The following DLK1 variants were observed in gnomAD, a reference collection of about 807,000 sequenced individuals.
DLK1 encodes protein delta homolog 1.
A neutral mutation model predicts 35.2 loss-of-function variants in DLK1; 9 were observed. That is an observed-to-expected ratio of 0.26 (90% CI 0.15 to 0.45). The LOEUF (loss-of-function observed/expected upper bound fraction) is 0.45. Among genes scored for constraint, DLK1 ranks in the 20% least tolerant of loss-of-function variants. The pLI, the probability that DLK1 is intolerant of heterozygous loss-of-function variation, is 1.00. For synonymous variants in DLK1, 231 were observed against 228.4 expected, an observed-to-expected ratio of 1.01 and a Z score of -0.10; for missense variants, 522 against 528.5, an observed-to-expected ratio of 0.99 and a Z score of 0.12.
In DLK1 at chr14:100,734,088, C is replaced by T; in HGVS notation, c.405-61C>T. The T allele has an allele frequency of 1.3e-6, 2 of 1,525,638 alleles. No individual in the cohort carries two copies. Among genetic ancestry groups the T allele is most frequent in the South Asian group, 1.3e-5 (1 of 77,552 alleles). 94.5% of individuals were successfully genotyped at this position (1,525,638 alleles called of 1,614,324 possible). A position where few individuals can be genotyped will look rare whatever the true frequency, so the allele number is the denominator to read the frequency against. On this transcript the variant is annotated intron_variant, in intron 4 of 4. Transcript: ENST00000341267. The surrounding 1 kb of genome is among the most constrained non-coding windows in gnomAD (Gnocchi z 7.4). The stretch of plus-strand genomic sequence containing the variant: ...GGACCTTCTGCCCTGAGCCCCGTGC[C>T]CTGCAGCGCTGTTGTAGCCTAGCCC...
At chr14:100,727,198 G>C (rs1457286035) in intron 1 of DLK1, 63 bp downstream of exon 1, 1 of 1,465,104 alleles carries the variant, frequency 6.8e-7, no homozygotes, top group African/African-American at 1.4e-5. Context: ...CCCGCCGGCC[G>C]CCCGGTGCCC....
At position 100,735,327 on chromosome 14, in the gene DLK1, G is replaced by C. The variant is rs749216989; in HGVS notation, c.*431G>C. ...CAAAGAGCTACGATTGCTTTCGTTC[G>C]TTAATTCTCACACACCACATCCGAC... is the stretch of plus-strand genomic sequence containing the variant. On this transcript the variant is annotated 3_prime_UTR_variant, in exon 5 of 5. Coordinates refer to ENST00000341267, the MANE Select transcript of DLK1 (RefSeq NM_003836.7). 1 of 157,186 alleles carries C rather than the reference G, an allele frequency of 6.4e-6. No homozygotes were observed. Among genetic ancestry groups the C allele is most frequent in the Non-Finnish European group, 1.4e-5 (1 of 71,810 alleles). 9.7% of individuals were successfully genotyped at this position (157,186 alleles called of 1,614,324 possible).
At position 100,735,255 on chromosome 14, in the gene DLK1, G is replaced by T. The variant is rs934418965; in HGVS notation, c.*359G>T. The T allele has an allele frequency of 3.7e-4, 73 of 199,420 alleles. No individual in the cohort carries two copies. Among genetic ancestry groups the T allele is most frequent in the African/African-American group, 1.6e-3 (67 of 43,014 alleles). The allele number at this position is 199,420 out of a possible 1,614,324, so 12.4% of individuals were successfully genotyped here. ...CCTACCCTGGGGGTCTCGGCCACAT[G>T]GTCCTCGTGAAACCGTTACGAGTGC... On this transcript the variant is annotated 3_prime_UTR_variant, in exon 5 of 5. Transcript: ENST00000341267.
At chr14:100,729,199 TAA>T (rs1362123655) in intron 3 of DLK1, 133 bp downstream of exon 3, 2 of 1,469,144 alleles carry the variant, frequency 1.4e-6, no homozygotes, top group Non-Finnish European at 9.3e-7. Context: ...CCCTGTATTC[TAA>T]AGATCTGTTT....
intron 3 of DLK1, 96 bp downstream of exon 3, chr14:100,729,162 C>T (rs1193199716): frequency 6.3e-7 from 1 of 1,582,746 alleles, no homozygotes; most frequent in East Asian, 2.2e-5. Context: ...TGGTGTTCCT[C>T]ACTTCCTCAT....
intron 1 of DLK1, among the ~76,000 whole-genome samples, chr14:100,727,843 A>G (rs2036454850): frequency 6.6e-6 from 1 of 152,014 alleles, no homozygotes; most frequent in South Asian, 2.1e-4. Context: ...TCGTTTTTTT[A>G]ATGCGAAGAG....
In DLK1 at chr14:100,734,603, G is replaced by T; in HGVS notation, c.859G>T (p.Val287Leu). ...VQQPEHRILK[V>L]SMKELNKKTP... ...GCAGCCGGAGCACCGCATCCTGAAG[G>T]TGTCCATGAAAGAGCTCAACAAGAA... is the stretch of plus-strand genomic sequence containing the variant. Residue 287 changes from valine to leucine, a missense_variant, in exon 5 of 5, where the codon GTG (valine) becomes TTG (leucine). Val to Leu is a conservative substitution (Grantham distance 32). Transcript: ENST00000341267. This position sits in a 1 kb window ranked among gnomAD's most constrained non-coding sequence, Gnocchi z 7.4. 1 of 1,613,914 alleles carries T rather than the reference G, an allele frequency of 6.2e-7. No homozygotes were observed. Among genetic ancestry groups the T allele is most frequent in the Non-Finnish European group, 8.5e-7 (1 of 1,180,034 alleles).
chr14:100,728,607 T>G (rs10151914), intron 2 of DLK1, 148 bp downstream of exon 2: 317,663 of 331,120 alleles, frequency 0.96, 152,149 homozygotes, highest in Middle Eastern at 0.99. Flanking sequence ...TGGGGCGAGC[T>G]GGGGAGATGG....
In DLK1 at chr14:100,728,615, TG is replaced by T. The variant is rs200239189; in HGVS notation, c.131+164del. 40 of 176,354 alleles carry T rather than the reference TG, an allele frequency of 2.3e-4. 1 individual carries two copies. Among genetic ancestry groups the T allele is most frequent in the African/African-American group, 5.7e-4 (12 of 21,006 alleles). The allele number at this position is 176,354 out of a possible 1,614,324, so 10.9% of individuals were successfully genotyped here. A position where few individuals can be genotyped will look rare whatever the true frequency, so the allele number is the denominator to read the frequency against. On this transcript the variant is annotated intron_variant, in intron 2 of 4. Coordinates refer to ENST00000341267, the MANE Select transcript of DLK1 (RefSeq NM_003836.7). ...AAACTGGTGGGGCGAGCTGGGGAGA[TG>T]GGGGGGGCGGGGGGGGGGCAGCCAC... is the stretch of plus-strand genomic sequence containing the variant.
intron 3 of DLK1, 200 bp downstream of exon 3, chr14:100,729,266 T>C: frequency 1.1e-6 from 1 of 923,410 alleles, no homozygotes; most frequent in South Asian, 1.4e-5. Context: ...TTTATTTTGC[T>C]CTTCTCTGCG....
chr14:100,731,511 T>C (rs1459060446), intron 3 of DLK1, among the ~76,000 whole-genome samples: 1 of 152,132 alleles, frequency 6.6e-6, no homozygotes, highest in South Asian at 2.1e-4. Flanking sequence ...GGTTTCTTGA[T>C]TCCTGACGGA....
chr14:100,731,922 A>G (rs2046076739), intron 3 of DLK1, 120 bp from the exon 4 acceptor site: 3 of 1,312,778 alleles, frequency 2.3e-6, no homozygotes, highest in Non-Finnish European at 3.0e-6. Context: ...GGGCTCCCTA[A>G]ACCCTCTTAC....
chr14:100,734,420 C>CA lies in DLK1; in HGVS notation c.677dup (p.His226GlnfsTer209). On this transcript the variant is annotated frameshift_variant, in exon 5 of 5. Transcript: ENST00000341267. LOFTEE classifies it high-confidence loss of function. The surrounding 1 kb of genome is among the most constrained non-coding windows in gnomAD (Gnocchi z 7.4). Reference sequence around the variant, plus strand: ...CCAGAACGGGGGCACCTGCCTGCAGCACACCCAGGTGAGCTACGAGTGTCT... The same window carrying CA: ...CCAGAACGGGGGCACCTGCCTGCAGCAACACCCAGGTGAGCTACGAGTGTCT... 1 of 1,611,890 alleles carries CA rather than the reference C, an allele frequency of 6.2e-7. No homozygotes were observed.
chr14:100,734,971 G>T lies in DLK1; in HGVS notation c.*75G>T, dbSNP rs181106921. Reference sequence around the variant, plus strand: ...CTATACGCGGTCTGTCCTAATCTTTGTGGTGTTCGCTATCTCTTGTGTCAA... The same window carrying T: ...CTATACGCGGTCTGTCCTAATCTTTTTGGTGTTCGCTATCTCTTGTGTCAA... On this transcript the variant is annotated 3_prime_UTR_variant, in exon 5 of 5. Coordinates refer to ENST00000341267, the MANE Select transcript of DLK1 (RefSeq NM_003836.7). The surrounding 1 kb of genome is among the most constrained non-coding windows in gnomAD (Gnocchi z 7.4). 1.5e-4 allele frequency: 226 copies of T among 1,489,366 alleles called. 1 individual carries two copies. The Admixed American group carries it at 1.6e-3, about 10-fold the overall frequency. The allele number at this position is 1,489,366 out of a possible 1,614,324, so 92.3% of individuals were successfully genotyped here.
chr14:100,730,895 C>T (rs190599100), intron 3 of DLK1, among the ~76,000 whole-genome samples: 2 of 152,240 alleles, frequency 1.3e-5, no homozygotes, highest in Admixed American at 6.5e-5. Context: ...CTCCCCTCCA[C>T]GAGGGTGTGG....
chr14:100,728,580 C>T lies in DLK1; in HGVS notation c.131+121C>T, dbSNP rs958544813. The T allele has an allele frequency of 1.5e-5, 13 of 850,042 alleles. No individual in the cohort carries two copies. In the Admixed American group the frequency reaches 2.5e-4, roughly 16 times the overall value. 52.7% of individuals were successfully genotyped at this position (850,042 alleles called of 1,614,324 possible). Reference sequence around the variant, plus strand: ...TACGCTGCAGCAAACAGCTTCCGGGCCCCTGCAGAAAACTGGTGGGGCGAG... The same window carrying T: ...TACGCTGCAGCAAACAGCTTCCGGGTCCCTGCAGAAAACTGGTGGGGCGAG... On this transcript the variant is annotated intron_variant, in intron 2 of 4. Transcript: ENST00000341267.
intron 1 of DLK1, among the ~76,000 whole-genome samples, chr14:100,727,344 T>A (rs1309625177): frequency 6.6e-6 from 1 of 152,120 alleles, no homozygotes; most frequent in Non-Finnish European, 1.5e-5. Flanking sequence ...AGGGGATGTG[T>A]GAGACCCCCA....
chr14:100,733,154 G>A (rs2036528830), intron 4 of DLK1, among the ~76,000 whole-genome samples: 2 of 152,226 alleles, frequency 1.3e-5, no homozygotes, highest in South Asian at 4.1e-4. Context: ...TTAGCAGGAA[G>A]GAGAAAAACA....
Position 100,734,806 on chromosome 14 carries a change from C to T in DLK1, c.1062C>T (p.Asn354=). 1 of 1,613,952 alleles carries T rather than the reference C, an allele frequency of 6.2e-7. No individual in the cohort carries two copies. The highest frequency in any genetic ancestry group is 1.1e-5 in the South Asian group (1 of 91,068). The change falls in exon 5 of 5, where the codon AAC becomes AAT. Residue 354 remains asparagine (N), a synonymous_variant. Coordinates refer to ENST00000341267, the MANE Select transcript of DLK1 (RefSeq NM_003836.7). This position sits in a 1 kb window ranked among gnomAD's most constrained non-coding sequence, Gnocchi z 7.4. ...AGAAGAACCTGCTGCTTCAGTACAACAGCGGGGAGGACCTGGCCGTCAACA... is the reference window on the plus strand; with the variant it reads ...AGAAGAACCTGCTGCTTCAGTACAATAGCGGGGAGGACCTGGCCGTCAACA... ...RKKKNLLLQY[N]SGEDLAVNII...
Sources: allele counts gnomAD v4.1 joint callset (sites outside exome capture counted in the v4.1 genomes callset), GRCh38; gene constraint gnomAD v4.1.1; non-coding constraint Gnocchi (gnomAD v3.1); transcripts MANE v1.5; gene names NCBI Gene and HGNC (gene_info 2026-07-23, HGNC 2026-07-21).